The following MTUS1 variants were observed in gnomAD, a reference collection of about 807,000 sequenced individuals.
MTUS1 encodes the protein microtubule associated scaffold protein 1.
A neutral mutation model predicts 120.8 loss-of-function variants in MTUS1; 109 were observed. That is an observed-to-expected ratio of 0.90 (90% CI 0.77 to 1.06). The LOEUF (loss-of-function observed/expected upper bound fraction) is 1.06. MTUS1 is among the 50% of genes least tolerant of loss of function. The probability of loss-of-function intolerance (pLI) is 0.00; values close to 1 mark genes in which losing one functional copy is unlikely to be tolerated. For synonymous variants in MTUS1, 737 were observed against 550.5 expected, an observed-to-expected ratio of 1.34 and a Z score of -4.74; for missense variants, 2,210 against 1,486.3, an observed-to-expected ratio of 1.49 and a Z score of -8.01.
Position 17,755,772 on chromosome 8 carries a change from A to G in MTUS1, c.36T>C (p.Asp12=), listed in dbSNP as rs1222312171. 5.0e-6 allele frequency: 8 copies of G among 1,613,670 alleles called. No individual in the cohort carries two copies. Among genetic ancestry groups the G allele is most frequent in the African/African-American group, 4.0e-5 (3 of 74,898 alleles). Residue 12 remains aspartate, a synonymous_variant, in exon 2 of 15, where the codon GAT becomes GAC. Transcript: ENST00000693296. ...CACTGGTAAAGAAGGTTTGCAATTCATCTTCTATTTTATCATCTGAATTAT... is the reference window on the plus strand; with the variant it reads ...CACTGGTAAAGAAGGTTTGCAATTCGTCTTCTATTTTATCATCTGAATTAT... The part of the protein sequence containing the change: ...TDDNSDDKIE[D]ELQTFFTSDK...
rs150176592 is a variant in MTUS1, at chr8:17,760,088, T to G, written c.-154-4127A>C. The stretch of plus-strand genomic sequence containing the variant: ...TTTTTTTTTTTAGCACGGTGGTGCA[T>G]GCCTGTAGTCCCAGCTGCTCAGAAG... On this transcript the variant is annotated intron_variant, in intron 1 of 14. Transcript: ENST00000693296. 9.2e-3 allele frequency among the ~76,000 whole-genome samples: 1,374 copies of G among 148,980 alleles called. 36 individuals are homozygous for G. The highest frequency in any genetic ancestry group is 0.033 in the African/African-American group (1,319 of 40,390).
In MTUS1 at chr8:17,729,894, A is replaced by T. The variant is rs1338698529; in HGVS notation, c.2288-6061T>A. ...AAGACAACAAATAGCCCAGAGGCAC[A>T]TGCAAAGATGCTCAACATCACTAGT... On this transcript the variant is annotated intron_variant, in intron 3 of 14. Coordinates refer to ENST00000693296, the MANE Select transcript of MTUS1 (RefSeq NM_001363059.2). Among the ~76,000 whole-genome samples, 8 of 152,074 alleles carry T rather than the reference A, an allele frequency of 5.3e-5. No homozygotes were observed. In the East Asian group the frequency reaches 1.4e-3, roughly 26 times the overall value.
chr8:17,791,025 T>C (rs1399440119), intron 1 of MTUS1, among the ~76,000 whole-genome samples: 1 of 152,122 alleles, frequency 6.6e-6, no homozygotes, highest in African/African-American at 2.4e-5. Flanking sequence ...CACCAATGTA[T>C]AGAAAATCCT....
chr8:17,655,449 T>C (rs1391035308), intron 9 of MTUS1, among the ~76,000 whole-genome samples: 3 of 152,170 alleles, frequency 2.0e-5, no homozygotes, highest in Non-Finnish European at 4.4e-5. Context: ...TACATTCCTT[T>C]GGTCATAAGA....
At chr8:17,799,551 G>C (rs2052514928) in intron 1 of MTUS1, among the ~76,000 whole-genome samples, 1 of 152,032 alleles carries the variant, frequency 6.6e-6, no homozygotes, top group Admixed American at 6.6e-5. Context: ...AAAACAAACA[G>C]GGTTAACAGA....
intron 3 of MTUS1, among the ~76,000 whole-genome samples, chr8:17,725,700 G>C (rs149042419): frequency 9.2e-5 from 14 of 152,262 alleles, no homozygotes; most frequent in Non-Finnish European, 1.5e-4. Flanking sequence ...ACCATCTACA[G>C]CATGCGGCCC....
intron 6 of MTUS1, among the ~76,000 whole-genome samples, chr8:17,708,597 T>G (rs1820626088): frequency 6.6e-6 from 1 of 152,232 alleles, no homozygotes; most frequent in Admixed American, 6.5e-5. Context: ...CTGATAATGG[T>G]TAACTAATTT....
rs965508617 is a variant in MTUS1 at position 17,776,367 on chromosome 8, G to T, written c.-154-20406C>A. Among the ~76,000 whole-genome samples, 4 of 152,018 alleles carry T rather than the reference G, an allele frequency of 2.6e-5. 1 individual carries two copies. The highest frequency in any genetic ancestry group is 2.6e-4 in the Admixed American group (4 of 15,268). The stretch of plus-strand genomic sequence containing the variant: ...GGTGATCCTGGTAACAATCCCTGCA[G>T]AGACCTACAGACAATACACAGAAGT... On this transcript the variant is annotated intron_variant, in intron 1 of 14. Coordinates refer to ENST00000693296, the MANE Select transcript of MTUS1 (RefSeq NM_001363059.2).
At chr8:17,648,971 T>C (rs965387614) in intron 13 of MTUS1, among the ~76,000 whole-genome samples, 4 of 152,260 alleles carry the variant, frequency 2.6e-5, no homozygotes, top group African/African-American at 9.6e-5. Flanking sequence ...AGACTGACGC[T>C]GAACACTGAA....
intron 1 of MTUS1, among the ~76,000 whole-genome samples, chr8:17,761,624 T>G (rs1468281204): frequency 6.6e-6 from 1 of 152,238 alleles, no homozygotes; most frequent in African/African-American, 2.4e-5. Flanking sequence ...TTGGACCTAA[T>G]ATAGTTAACC....
rs1056460073 is a variant in MTUS1, at chr8:17,645,836, A to G, written c.*90T>C. On this transcript the variant is annotated 3_prime_UTR_variant, in exon 15 of 15. Coordinates refer to ENST00000693296, the MANE Select transcript of MTUS1 (RefSeq NM_001363059.2). ...CTACGGTGATCACACGTGTGCTGAT[A>G]TACCTCTTGTGCCCACGTTCCTCCT... The G allele has an allele frequency of 6.7e-7, 1 of 1,494,278 alleles. No homozygotes were observed. Among genetic ancestry groups the G allele is most frequent in the Middle Eastern group, 2.5e-4 (1 of 4,054 alleles). The allele number at this position is 1,494,278 out of a possible 1,614,324, so 92.6% of individuals were successfully genotyped here.
At chr8:17,705,313 G>T (rs1436551175) in intron 6 of MTUS1, among the ~76,000 whole-genome samples, 3 of 152,042 alleles carry the variant, frequency 2.0e-5, no homozygotes, top group Non-Finnish European at 2.9e-5. Context: ...AGCTTTTGTT[G>T]TCCTAATTAT....
chr8:17,706,921 C>A (rs1412398098), intron 6 of MTUS1, among the ~76,000 whole-genome samples: 1 of 152,178 alleles, frequency 6.6e-6, no homozygotes, highest in Non-Finnish European at 1.5e-5. Context: ...TTCTAAACTA[C>A]ATGCTAAACT....
intron 2 of MTUS1, among the ~76,000 whole-genome samples, chr8:17,752,209 T>C (rs1364444906): frequency 1.3e-5 from 1 of 74,168 alleles, no homozygotes; most frequent in East Asian, 3.2e-4. Flanking sequence ...TCAAGACAAA[T>C]GTCATTAAAG....
chr8:17,668,588 G>C (rs956807935), intron 8 of MTUS1, among the ~76,000 whole-genome samples: 2 of 152,150 alleles, frequency 1.3e-5, no homozygotes, highest in African/African-American at 4.8e-5. Context: ...GAGAGTTACA[G>C]CTCTCCTTTA....
chr8:17,724,896 G>A lies in MTUS1; in HGVS notation c.2288-1063C>T, dbSNP rs533324666. ...GTACTCTAGGTTTTCATCTTAGACC[G>A]ACATGCTCCTGTTTATGCTAATTAT... On this transcript the variant is annotated intron_variant, in intron 3 of 14. Coordinates refer to ENST00000693296, the MANE Select transcript of MTUS1 (RefSeq NM_001363059.2). Among the ~76,000 whole-genome samples, 8 of 152,202 alleles carry A rather than the reference G, an allele frequency of 5.3e-5. No individual in the cohort carries two copies. The East Asian group carries it at 5.8e-4, about 11-fold the overall frequency.
intron 1 of MTUS1, among the ~76,000 whole-genome samples, chr8:17,792,042 A>C (rs2131586833): frequency 6.6e-6 from 1 of 152,336 alleles, no homozygotes; most frequent in African/African-American, 2.4e-5. Flanking sequence ...CTCAGACATG[A>C]ACCCAATTTT....
intron 3 of MTUS1, among the ~76,000 whole-genome samples, chr8:17,733,359 TAA>T (rs33999065): frequency 7.2e-6 from 1 of 138,870 alleles, no homozygotes. Flanking sequence ...TCAAAAAAAT[TAA>T]AAAAAAAAAA....
At chr8:17,707,640 G>C (rs958284510) in intron 6 of MTUS1, among the ~76,000 whole-genome samples, 2 of 152,134 alleles carry the variant, frequency 1.3e-5, no homozygotes, top group South Asian at 2.1e-4. Context: ...AGATTGACAA[G>C]CTGATCCTAA....
Sources: allele counts gnomAD v4.1 joint callset (sites outside exome capture counted in the v4.1 genomes callset), GRCh38; gene constraint gnomAD v4.1.1; transcripts MANE v1.5; gene names NCBI Gene and HGNC (gene_info 2026-07-23, HGNC 2026-07-21).